The following ALPK2 variants were observed in gnomAD, a reference collection of about 807,000 sequenced individuals.
ALPK2 encodes the protein alpha kinase 2, also known as alpha-protein kinase 2.
Under a neutral mutation model 163.1 loss-of-function variants are expected in ALPK2, and 127 were observed. The observed-to-expected ratio is 0.78, with a 90% confidence interval of 0.67 to 0.90. ALPK2 has a LOEUF of 0.90. ALPK2 is among the 40% of genes least tolerant of loss of function. The pLI, the probability that ALPK2 is intolerant of heterozygous loss-of-function variation, is 0.00. For missense variants in ALPK2, 2,360 were observed against 2,589.6 expected (o/e 0.91, Z 1.92); for synonymous variants, 953 against 959.1 (o/e 0.99, Z 0.12).
chr18:58,497,264 C>A (rs1404623186), intron 12 of ALPK2, among the ~76,000 whole-genome samples: 2 of 152,240 alleles, frequency 1.3e-5, no homozygotes, highest in Non-Finnish European at 2.9e-5. Context: ...CTCCAAAAGT[C>A]ATGAGCTCTC....
chr18:58,502,181 A>ACAC (rs1568067744), intron 11 of ALPK2, among the ~76,000 whole-genome samples: 13 of 112,404 alleles, frequency 1.2e-4, no homozygotes, highest in African/African-American at 4.1e-4. Context: ...CACACACACA[A>ACAC]AGAAAAAAAA....
chr18:58,565,558 C>T (rs1168699042), intron 4 of ALPK2, among the ~76,000 whole-genome samples: 1 of 152,030 alleles, frequency 6.6e-6, no homozygotes, highest in Non-Finnish European at 1.5e-5. Context: ...AAAAATAATT[C>T]AATTGTTACG....
chr18:58,587,714 G>C (rs1316831647), intron 3 of ALPK2, among the ~76,000 whole-genome samples: 1 of 152,104 alleles, frequency 6.6e-6, no homozygotes, highest in Admixed American at 6.6e-5. Context: ...AAAGAGAAAA[G>C]AATGTAGAAA....
At chr18:58,595,961 G>A (rs893798907) in intron 3 of ALPK2, among the ~76,000 whole-genome samples, 3 of 152,082 alleles carry the variant, frequency 2.0e-5, no homozygotes, top group Admixed American at 6.5e-5. Flanking sequence ...TGACTCCAAC[G>A]TTTCCATCAA....
intron 1 of ALPK2, among the ~76,000 whole-genome samples, chr18:58,625,063 C>T (rs2052222459): frequency 6.6e-6 from 1 of 152,096 alleles, no homozygotes; most frequent in Non-Finnish European, 1.5e-5. Flanking sequence ...GTTTGCTTTT[C>T]TGGATTTCCT....
At chr18:58,524,189 A>T in intron 6 of ALPK2, 127 bp from the exon 7 acceptor site, 2 of 1,308,314 alleles carry the variant, frequency 1.5e-6, no homozygotes, top group Non-Finnish European at 2.1e-6. Flanking sequence ...AGCTGCCCAA[A>T]GGGCAAAATC....
At chr18:58,617,387 A>G (rs1355402379) in intron 1 of ALPK2, among the ~76,000 whole-genome samples, 1 of 152,112 alleles carries the variant, frequency 6.6e-6, no homozygotes, top group East Asian at 1.9e-4. Context: ...GGGTTTCACC[A>G]TGTTGGCCAG....
At chr18:58,608,614 T>C (rs893016471) in intron 2 of ALPK2, among the ~76,000 whole-genome samples, 3 of 152,156 alleles carry the variant, frequency 2.0e-5, no homozygotes, top group Non-Finnish European at 4.4e-5. Context: ...ATTTATTGCG[T>C]GATTTTTGGT....
At chr18:58,624,023 C>G (rs1311718013) in intron 1 of ALPK2, among the ~76,000 whole-genome samples, 1 of 152,212 alleles carries the variant, frequency 6.6e-6, no homozygotes, top group Non-Finnish European at 1.5e-5. Context: ...GCTTGTCCTC[C>G]TAATCAAGCC....
At chr18:58,578,771 C>CACACAT (rs1555673966) in intron 4 of ALPK2, 43 bp downstream of exon 4, 3 of 1,562,130 alleles carry the variant, frequency 1.9e-6, no homozygotes, top group South Asian at 2.4e-5. Flanking sequence ...CACACACACA[C>CACACAT]GGTTCTTTTT....
At chr18:58,521,182 G>GCT (rs2051549090) in intron 8 of ALPK2, among the ~76,000 whole-genome samples, 1 of 152,222 alleles carries the variant, frequency 6.6e-6, no homozygotes, top group Non-Finnish European at 1.5e-5. Context: ...TCAGACCCAG[G>GCT]CTCTACGGCT....
At chr18:58,501,759 A>G (rs1034735426) in intron 11 of ALPK2, among the ~76,000 whole-genome samples, 22 of 152,174 alleles carry the variant, frequency 1.4e-4, no homozygotes, top group Non-Finnish European at 3.1e-4. Flanking sequence ...GGGGATCATA[A>G]TATCTATCTT....
chr18:58,499,319 G>A (rs11660742), intron 11 of ALPK2, among the ~76,000 whole-genome samples: 22,126 of 152,156 alleles, frequency 0.15, 1,781 homozygotes, highest in Non-Finnish European at 0.17. Context: ...TAGGGAGCCA[G>A]GGAGGCAAAG....
intron 4 of ALPK2, among the ~76,000 whole-genome samples, chr18:58,550,504 A>ATACAACCCCCTCCCCATCTCTATCACC (rs2051749776): frequency 6.5e-5 from 1 of 15,310 alleles, no homozygotes. Flanking sequence ...TCTATATCAT[A>ATACAACCCCCTCCCCATCTCTATCACC]TACAACCCCA....
In ALPK2 at chr18:58,535,218, A is replaced by T; in HGVS notation, c.4969T>A (p.Ser1657Thr). The T allele has an allele frequency of 1.9e-6, 3 of 1,614,066 alleles. No homozygotes were observed. Among genetic ancestry groups the T allele is most frequent in the Non-Finnish European group, 2.5e-6 (3 of 1,180,004 alleles). Residue 1657 changes from serine to threonine, a missense_variant, in exon 5 of 13, where the codon TCA becomes ACA. Ser to Thr is a moderately conservative substitution (Grantham distance 58). Coordinates refer to ENST00000361673, the MANE Select transcript of ALPK2 (RefSeq NM_052947.4). ...GCTTTCTCTAACTCACGTTCTCCTG[A>T]AATAAATGCCAAGGTCTTCGCTGAG... ...SSSAKTLAFI[S>T]GERELEKAPK...
chr18:58,536,679 C>T lies in ALPK2; in HGVS notation c.3508G>A (p.Val1170Met). The T allele has an allele frequency of 6.2e-7, 1 of 1,614,164 alleles. No homozygotes were observed. Among genetic ancestry groups the T allele is most frequent in the South Asian group, 1.1e-5 (1 of 91,070 alleles). ...CTTGCGGGTGAGTGGGCCGTGGGCA[C>T]CAAGTTTCTTTCCTCTTGTGCAGCA... ...TSAAQEERNL[V>M]PTAHSPASSR... is the part of the protein sequence containing the mutation. Residue 1170 changes from valine (V) to methionine (M), a missense_variant, in exon 5 of 13, where the codon GTG becomes ATG. Coordinates refer to ENST00000361673, the MANE Select transcript of ALPK2 (RefSeq NM_052947.4).
At chr18:58,595,848 G>C (rs542447560) in intron 3 of ALPK2, among the ~76,000 whole-genome samples, 1 of 152,276 alleles carries the variant, frequency 6.6e-6, no homozygotes, top group South Asian at 2.1e-4. Context: ...TCTGGAGAGG[G>C]AGCTGGGATT....
intron 11 of ALPK2, among the ~76,000 whole-genome samples, chr18:58,499,302 G>A (rs1232767771): frequency 6.6e-6 from 1 of 152,160 alleles, no homozygotes; most frequent in Non-Finnish European, 1.5e-5. Context: ...GGGGTAGGGA[G>A]GGTAGCTAGG....
At position 58,536,896 on chromosome 18, in the gene ALPK2, A is replaced by T. The variant is rs747209492; in HGVS notation, c.3291T>A (p.Ser1097Arg). Residue 1097 changes from serine to arginine, a missense_variant, in exon 5 of 13, where the codon AGT becomes AGA. Ser to Arg is a moderately radical substitution (Grantham distance 110, BLOSUM62 -1). Transcript: ENST00000361673. Reference protein sequence around the residue: ...LQLPEGEGFCSNSPLQVDNLS... With the variant: ...LQLPEGEGFCRNSPLQVDNLS... ...GGTTATCAACCTGAAGAGGGGAATT[A>T]CTGCAGAAACCCTCTCCCTCTGGGA... The T allele has an allele frequency of 6.2e-7, 1 of 1,614,206 alleles. No individual in the cohort carries two copies. Among genetic ancestry groups the T allele is most frequent in the Non-Finnish European group, 8.5e-7 (1 of 1,180,024 alleles).
Sources: gnomAD v4.1 joint callset for allele counts (sites outside exome capture counted in the v4.1 genomes callset) on GRCh38, gnomAD v4.1.1 for gene constraint, MANE v1.5 for transcripts, NCBI Gene and HGNC (gene_info 2026-07-23, HGNC 2026-07-21) for gene names.